The following PCDHA3 variants were observed in gnomAD, a reference collection of about 807,000 sequenced individuals.
PCDHA3 encodes protocadherin alpha-3.
PCDHA3 carries 41 observed loss-of-function variants against 62.2 expected under a neutral mutation model. The observed-to-expected ratio is 0.66, with a 90% CI of 0.51 to 0.86. The LOEUF is 0.86. PCDHA3 is among the 40% of genes least tolerant of loss of function. The pLI is 0.00. For missense variants in PCDHA3, 1,304 were observed against 1,241.2 expected (o/e 1.05, Z -0.76); for synonymous variants, 640 against 555.4 (o/e 1.15, Z -2.14).
chr5:140,830,328 G>A, intron 1 of PCDHA3: 2 of 1,614,058 alleles, frequency 1.2e-6, no homozygotes, highest in Non-Finnish European at 1.7e-6. Flanking sequence ...AGCGCAGTGG[G>A]GAGCTGGTCG....
At chr5:140,854,994 G>A (rs1261400565) in intron 1 of PCDHA3, among the ~76,000 whole-genome samples, 3 of 149,538 alleles carry the variant, frequency 2.0e-5, no homozygotes, top group Non-Finnish European at 4.5e-5. Context: ...CTTTTTGCCC[G>A]TGTAAGATAT....
At chr5:140,939,712 C>T (rs1019626550) in intron 1 of PCDHA3, among the ~76,000 whole-genome samples, 2 of 152,256 alleles carry the variant, frequency 1.3e-5, no homozygotes, top group East Asian at 1.9e-4. Context: ...TTGTGAGATA[C>T]ATTTATATTG....
At chr5:140,875,397 G>T in intron 1 of PCDHA3, 2 of 1,480,686 alleles carry the variant, frequency 1.4e-6, no homozygotes, top group South Asian at 1.4e-5. Flanking sequence ...AGAAAAGGGT[G>T]ACTGCTCATA....
intron 1 of PCDHA3, chr5:140,875,493 A>T: frequency 6.2e-7 from 1 of 1,612,928 alleles, no homozygotes; most frequent in South Asian, 1.1e-5. Flanking sequence ...TCGGACCAAG[A>T]GGCCCGGGAT....
chr5:140,823,797 G>C, intron 1 of PCDHA3: 1 of 1,613,840 alleles, frequency 6.2e-7, no homozygotes, highest in Non-Finnish European at 8.5e-7. Flanking sequence ...GTGGCCAGGC[G>C]CCGAAGGCCT....
chr5:140,812,144 G>GC, intron 1 of PCDHA3: 1 of 137,962 alleles, frequency 7.2e-6, no homozygotes, highest in African/African-American at 2.8e-5. Context: ...CTGGTTTTGG[G>GC]CTTTTGTTGT....
intron 3 of PCDHA3, among the ~76,000 whole-genome samples, chr5:140,983,980 G>A (rs1169839423): frequency 6.6e-6 from 1 of 152,286 alleles, no homozygotes; most frequent in African/African-American, 2.4e-5. Flanking sequence ...AAATATACGA[G>A]TTGAAGCAAT....
At position 140,848,656 on chromosome 5, in the gene PCDHA3, TGGAGCTGGC is replaced by T. The variant is rs2150416289; in HGVS notation, c.2394+45074_2394+45082del. 5 of 1,592,712 alleles carry T rather than the reference TGGAGCTGGC, an allele frequency of 3.1e-6. 1 individual carries two copies. Among genetic ancestry groups the T allele is most frequent in the Admixed American group, 3.4e-5 (2 of 59,208 alleles). ...GGCCGCATCGCGCAGGACCTGGGGC[TGGAGCTGGC>T]GGAGCTGGTGCCGCGCCTGTTCCAG... On this transcript the variant is annotated intron_variant, in intron 1 of 3. Coordinates refer to ENST00000522353, the MANE Select transcript of PCDHA3 (RefSeq NM_018906.3).
chr5:140,835,340 A>G (rs1371030036), intron 1 of PCDHA3: 2 of 1,613,678 alleles, frequency 1.2e-6, no homozygotes, highest in Admixed American at 1.7e-5. Context: ...ACAAGATCCC[A>G]GTCGAGGCTG....
At chr5:140,855,517 A>G (rs2043504995) in intron 1 of PCDHA3, among the ~76,000 whole-genome samples, 1 of 149,978 alleles carries the variant, frequency 6.7e-6, no homozygotes, top group Admixed American at 6.7e-5. Flanking sequence ...TCTCAAAATA[A>G]TGAGAAAGAG....
chr5:140,867,560 C>A (rs1352328708), intron 1 of PCDHA3: 1 of 152,070 alleles, frequency 6.6e-6, no homozygotes, highest in African/African-American at 2.4e-5. Context: ...CATATGATAA[C>A]TTTTTCATAT....
chr5:140,803,159 C>G lies in PCDHA3; in HGVS notation c.1962C>G (p.His654Gln), dbSNP rs200661884. The change falls in exon 1 of 4, where the codon CAC (histidine) becomes CAG (glutamine). Residue 654 changes from histidine to glutamine, a missense_variant. Coordinates refer to ENST00000522353, the MANE Select transcript of PCDHA3 (RefSeq NM_018906.3). ...GCCTACTGGTGCTGGTGAAGGACCA[C>G]GGTGAACCCTCATTGACCGCCACGG... is the stretch of plus-strand genomic sequence containing the variant. ...RHRLLVLVKD[H>Q]GEPSLTATAT... 3.7e-6 allele frequency: 6 copies of G among 1,613,894 alleles called. No individual in the cohort carries two copies. The highest frequency in any genetic ancestry group is 5.1e-6 in the Non-Finnish European group (6 of 1,179,946).
chr5:140,881,350 T>C, intron 1 of PCDHA3: 1 of 985,354 alleles, frequency 1.0e-6, no homozygotes, highest in Non-Finnish European at 1.2e-6. Flanking sequence ...CGGGCTACAA[T>C]GCGTGGCTTT....
chr5:140,828,537 A>C, intron 1 of PCDHA3: 4 of 1,614,236 alleles, frequency 2.5e-6, no homozygotes, highest in Non-Finnish European at 3.4e-6. Context: ...AGGCTGCCAG[A>C]TTCTGTGTTT....
chr5:141,009,562 C>T, intron 3 of PCDHA3, 65 bp from the exon 4 acceptor site: 7 of 1,571,344 alleles, frequency 4.5e-6, no homozygotes, highest in Non-Finnish European at 6.0e-6. Flanking sequence ...CTGTACTCTA[C>T]CAGCAGTGTG....
intron 1 of PCDHA3, chr5:140,868,781 A>G (rs868977486): frequency 3.0e-5 from 9 of 299,116 alleles, no homozygotes; most frequent in African/African-American, 1.5e-4. Flanking sequence ...ATGACTTATA[A>G]TCTGAATATT....
rs1554135944 is a variant in PCDHA3 at position 140,836,422 on chromosome 5, C to G, written c.2394+32831C>G. The G allele has an allele frequency of 1.2e-6, 2 of 1,613,670 alleles. No individual in the cohort carries two copies. The highest frequency in any genetic ancestry group is 2.7e-5 in the African/African-American group (2 of 74,856). On this transcript the variant is annotated intron_variant, in intron 1 of 3. Transcript: ENST00000522353. ...AGCGGCCAGGCACCAAAGGCGTCGT[C>G]GCGGGCATCGTTGGGCATTGCAGGC...
intron 1 of PCDHA3, among the ~76,000 whole-genome samples, chr5:140,909,916 C>T (rs1554194012): frequency 6.6e-6 from 1 of 152,138 alleles, no homozygotes; most frequent in African/African-American, 2.4e-5. Context: ...CAATCATTTC[C>T]CTTTCCCCAA....
At chr5:140,829,882 T>G (rs2150176879) in intron 1 of PCDHA3, 871,135 of 1,613,724 alleles carry the variant, frequency 0.54, 237,229 homozygotes, top group African/African-American at 0.72. Flanking sequence ...TGCGCGCAGT[T>G]GACGCCGACT....
Sources: gnomAD v4.1 joint callset for allele counts (sites outside exome capture counted in the v4.1 genomes callset) on GRCh38, gnomAD v4.1.1 for gene constraint, MANE v1.5 for transcripts, NCBI Gene and HGNC (gene_info 2026-07-23, HGNC 2026-07-21) for gene names.